FSTL4: variants seen among roughly 807,000 people sequenced by gnomAD.
FSTL4 encodes the protein follistatin-related protein 4.
Under a neutral mutation model 78.2 loss-of-function variants are expected in FSTL4, and 28 were observed. The observed-to-expected ratio is 0.36, with a 90% CI of 0.27 to 0.49. FSTL4 has a LOEUF of 0.49. FSTL4 is among the 20% of genes least tolerant of loss of function. The pLI, the probability that FSTL4 is intolerant of heterozygous loss-of-function variation, is 0.98. For synonymous variants in FSTL4, 422 were observed against 440.5 expected, an observed-to-expected ratio of 0.96 and a Z score of 0.53; for missense variants, 922 against 1,084.9, an observed-to-expected ratio of 0.85 and a Z score of 2.11.
chr5:133,458,181 A>C (rs565506931), intron 3 of FSTL4: 12 of 152,362 alleles, frequency 7.9e-5, no homozygotes, highest in African/African-American at 2.6e-4. Flanking sequence ...CAGATTACAC[A>C]TTCCGCCCAC....
the FSTL4 span, among the ~76,000 whole-genome samples, chr5:133,770,038 C>A: frequency 6.6e-6 from 1 of 151,962 alleles, no homozygotes; most frequent in East Asian, 1.9e-4. Context: ...TGATTTCATT[C>A]TTTTTGATGG....
chr5:133,561,508 T>G (rs768664101), intron 3 of FSTL4, among the ~76,000 whole-genome samples: 21 of 152,126 alleles, frequency 1.4e-4, no homozygotes, highest in Non-Finnish European at 2.9e-4. Context: ...TCTGAGACGG[T>G]GAGCAGGCAG....
Position 133,199,128 on chromosome 5 carries a change from C to A in FSTL4, c.2496G>T (p.Gly832=). 1 of 1,567,040 alleles carries A rather than the reference C, an allele frequency of 6.4e-7. No individual in the cohort carries two copies. The highest frequency in any genetic ancestry group is 1.2e-5 in the South Asian group (1 of 82,928). Residue 832 remains glycine (G), a synonymous_variant, in exon 16 of 16, where the codon GGG becomes GGT. Transcript: ENST00000265342. The surrounding 1 kb of genome is among the most constrained non-coding windows in gnomAD (Gnocchi z 4.4). ...TLRCEVSGIK[G]GTTVVWVGEV is the part of the protein sequence containing the mutation. ...CACCCACCCACACCACTGTGGTCCC[C>A]CCCTTTATACCTGACACCTCACACC...
intron 3 of FSTL4, among the ~76,000 whole-genome samples, chr5:133,430,752 G>C (rs1017823304): frequency 1.3e-5 from 2 of 152,132 alleles, no homozygotes; most frequent in Admixed American, 6.5e-5. Context: ...TTCACTGACT[G>C]TTTTTTGAAG....
At chr5:133,439,470 T>G (rs1019016000) in intron 3 of FSTL4, among the ~76,000 whole-genome samples, 3 of 152,108 alleles carry the variant, frequency 2.0e-5, no homozygotes, top group African/African-American at 7.2e-5. Flanking sequence ...TGTTGTCAGG[T>G]GGGAGGCTGG....
chr5:133,251,815 G>A (rs182196164), intron 6 of FSTL4, among the ~76,000 whole-genome samples: 1 of 152,322 alleles, frequency 6.6e-6, no homozygotes, highest in Non-Finnish European at 1.5e-5. Context: ...CCAGACCAAG[G>A]TCCAAAGGGA....
At chr5:133,556,104 C>G (rs1759781279) in intron 3 of FSTL4, among the ~76,000 whole-genome samples, 2 of 152,066 alleles carry the variant, frequency 1.3e-5, no homozygotes. Flanking sequence ...GACTGTAGAA[C>G]AATGAATCCA....
intron 11 of FSTL4, among the ~76,000 whole-genome samples, chr5:133,223,376 G>A (rs2126791369): frequency 6.6e-6 from 1 of 152,304 alleles, no homozygotes; most frequent in East Asian, 1.9e-4. Flanking sequence ...AAGTTCTTGA[G>A]GAAAAAATGA....
chr5:133,473,485 C>T (rs1370979908), intron 3 of FSTL4, among the ~76,000 whole-genome samples: 1 of 152,176 alleles, frequency 6.6e-6, no homozygotes, highest in Non-Finnish European at 1.5e-5. Flanking sequence ...TGCAGCACCA[C>T]ACATGCAGTG....
chr5:133,261,405 T>C (rs1752516871), intron 6 of FSTL4, among the ~76,000 whole-genome samples: 1 of 152,154 alleles, frequency 6.6e-6, no homozygotes, highest in Admixed American at 6.6e-5. Flanking sequence ...ATCCCCCAAA[T>C]GGATGGACCC....
At chr5:133,328,152 G>A (rs949870967) in intron 4 of FSTL4, among the ~76,000 whole-genome samples, 3 of 152,188 alleles carry the variant, frequency 2.0e-5, no homozygotes, top group Non-Finnish European at 4.4e-5. Context: ...CAGACCTTGC[G>A]CCTGGTTCCC....
chr5:133,708,197 G>C, the FSTL4 span, among the ~76,000 whole-genome samples: 1 of 149,858 alleles, frequency 6.7e-6, no homozygotes, highest in Admixed American at 6.7e-5. Flanking sequence ...GGGGAGGGAA[G>C]GGGAGGGAAG....
At chr5:133,551,700 C>A (rs1019690639) in intron 3 of FSTL4, among the ~76,000 whole-genome samples, 2 of 152,160 alleles carry the variant, frequency 1.3e-5, no homozygotes, top group Non-Finnish European at 2.9e-5. Context: ...TAAAAACATA[C>A]TTTTAAAATG....
At chr5:133,644,494 G>A in the FSTL4 span, among the ~76,000 whole-genome samples, 2 of 151,908 alleles carry the variant, frequency 1.3e-5, no homozygotes, top group African/African-American at 2.4e-5. Flanking sequence ...CCCAGTGGCC[G>A]GGCCCCAGAG....
At chr5:133,798,964 G>GGGAGGGAGGGAGGAAGGGAGGGAGGGAT in the FSTL4 span, among the ~76,000 whole-genome samples, 38 of 115,716 alleles carry the variant, frequency 3.3e-4, no homozygotes, top group African/African-American at 1.2e-3. Flanking sequence ...GAGGGAGGGA[G>GGGAGGGAGGGAGGAAGGGAGGGAGGGAT]GGAGGAAGGG....
intron 3 of FSTL4, among the ~76,000 whole-genome samples, chr5:133,474,237 G>A (rs1757883098): frequency 6.6e-6 from 1 of 152,008 alleles, no homozygotes; most frequent in South Asian, 2.1e-4. Flanking sequence ...ATCCCTCCAT[G>A]CCCCAGTTTT....
chr5:133,792,342 TC>T, the FSTL4 span, among the ~76,000 whole-genome samples: 1 of 152,114 alleles, frequency 6.6e-6, no homozygotes, highest in Non-Finnish European at 1.5e-5. Flanking sequence ...GGCACCACAC[TC>T]CACTGGTTTT....
the FSTL4 span, among the ~76,000 whole-genome samples, chr5:133,681,339 C>T: frequency 6.6e-6 from 1 of 152,216 alleles, no homozygotes; most frequent in South Asian, 2.1e-4. Context: ...CGGGCATATG[C>T]GCTCCTGCCT....
chr5:133,648,224 G>T, the FSTL4 span, among the ~76,000 whole-genome samples: 2 of 152,048 alleles, frequency 1.3e-5, no homozygotes, highest in African/African-American at 4.8e-5. Context: ...AAAAGCATGA[G>T]AAAAAAGGAG....
Sources: allele counts gnomAD v4.1 joint callset (sites outside exome capture counted in the v4.1 genomes callset), GRCh38; gene constraint gnomAD v4.1.1; non-coding constraint Gnocchi (gnomAD v3.1); transcripts MANE v1.5; gene names NCBI Gene and HGNC (gene_info 2026-07-23, HGNC 2026-07-21).